The following VWA5A variants were observed in gnomAD, a reference collection of about 807,000 sequenced individuals.
The protein encoded by VWA5A is von Willebrand factor A domain-containing protein 5A.
Under a neutral mutation model 84.6 loss-of-function variants are expected in VWA5A, and 77 were observed. That is an observed-to-expected ratio of 0.91 (90% CI 0.76 to 1.10). VWA5A has a LOEUF of 1.10. Among genes scored for constraint, VWA5A ranks in the 50% least tolerant of loss-of-function variants. The pLI, the probability that VWA5A is intolerant of heterozygous loss-of-function variation, is 0.00. For missense variants in VWA5A, 973 were observed against 963.0 expected (o/e 1.01, Z -0.14); for synonymous variants, 334 against 350.1 (o/e 0.95, Z 0.51).
At position 124,117,685 on chromosome 11, in the gene VWA5A, G is replaced by A. The variant is rs568838266; in HGVS notation, c.56G>A (p.Ser19Asn). The A allele has an allele frequency of 6.2e-6, 10 of 1,614,204 alleles. No homozygotes were observed. In the African/African-American group the frequency reaches 1.3e-4, roughly 22 times the overall value. ...GGTCTATCTCCAGTGCCGCTGAAGA[G>A]TATCTCTGTGAGCGTGAACATTTAC... ...TLHREPVPLKSISVSVNIYEF... is the reference protein window; with the variant it reads ...TLHREPVPLKNISVSVNIYEF... The change falls in exon 4 of 19, where the codon AGT becomes AAT. Residue 19 changes from serine (S) to asparagine (N), a missense_variant. Physicochemically the swap from Ser to Asn is conservative, Grantham distance 46. Transcript: ENST00000456829.
At chr11:124,127,449 C>G (rs1262700347) in intron 11 of VWA5A, among the ~76,000 whole-genome samples, 1 of 152,152 alleles carries the variant, frequency 6.6e-6, no homozygotes, top group African/African-American at 2.4e-5. Context: ...CAAGTCTTTA[C>G]TATTGTGACA....
At chr11:124,137,527 A>G (rs1860633489) in intron 15 of VWA5A, among the ~76,000 whole-genome samples, 1 of 152,240 alleles carries the variant, frequency 6.6e-6, no homozygotes, top group Non-Finnish European at 1.5e-5. Context: ...GTAAACCCTG[A>G]GTAACCAAAC....
intron 1 of VWA5A, chr11:124,116,323 T>G (rs1864829293): frequency 6.6e-6 from 1 of 152,192 alleles, no homozygotes; most frequent in South Asian, 2.1e-4. Context: ...CTGGGAAGAG[T>G]GGGGGCAAGG....
rs1413982115 is a variant in VWA5A at position 124,146,909 on chromosome 11, TA to T, written c.*967del. 1 of 165,734 alleles carries T rather than the reference TA, an allele frequency of 6.0e-6. No individual in the cohort carries two copies. The highest frequency in any genetic ancestry group is 1.5e-5 in the Non-Finnish European group (1 of 68,106). 10.3% of individuals were successfully genotyped at this position (165,734 alleles called of 1,614,324 possible). ...ATGACTATTTCTACCCTTTGATGAGTAAATGCAGTGGTTCTTAAAGTGGTCT... is the reference window on the plus strand; with the variant it reads ...ATGACTATTTCTACCCTTTGATGAGTAATGCAGTGGTTCTTAAAGTGGTCT... On this transcript the variant is annotated 3_prime_UTR_variant, in exon 19 of 19. Coordinates refer to ENST00000456829, the MANE Select transcript of VWA5A (RefSeq NM_001130142.2).
intron 11 of VWA5A, among the ~76,000 whole-genome samples, chr11:124,131,753 TCA>T (rs1251369827): frequency 6.6e-6 from 1 of 151,728 alleles, no homozygotes; most frequent in Non-Finnish European, 1.5e-5. Flanking sequence ...GCAAAAAATA[TCA>T]GTTTTATTTT....
Position 124,136,116 on chromosome 11 carries a change from T to C in VWA5A, c.1360-13T>C, listed in dbSNP as rs1222462909. 6.2e-7 allele frequency: 1 copy of C among 1,612,880 alleles called. No individual in the cohort carries two copies. Among genetic ancestry groups the C allele is most frequent in the Admixed American group, 1.7e-5 (1 of 60,000 alleles). The stretch of plus-strand genomic sequence containing the variant: ...TATCATTTGTGTTTATTCTGTTCTC[T>C]TCCCCACATTAGGCTCTCAGGACTC... On this transcript the variant is annotated splice_polypyrimidine_tract_variant and intron_variant, in intron 12 of 18. Coordinates refer to ENST00000456829, the MANE Select transcript of VWA5A (RefSeq NM_001130142.2).
intron 17 of VWA5A, among the ~76,000 whole-genome samples, chr11:124,144,738 GTCAGAA>G: frequency 6.6e-6 from 1 of 152,308 alleles, no homozygotes; most frequent in African/African-American, 2.4e-5. Context: ...TATAACTAGA[GTCAGAA>G]TATTTGGCCT....
At chr11:124,117,461 A>G in intron 2 of VWA5A, 36 bp from the exon 3 acceptor site, 1 of 1,595,906 alleles carries the variant, frequency 6.3e-7, no homozygotes. Context: ...GATAACTTCC[A>G]ACATGTCCTC....
In VWA5A at chr11:124,134,913, A is replaced by G; in HGVS notation, c.1245-7A>G. ...TTCCTCTAACCTCTGTCCTGTTACA[A>G]TTGCAGGTGTTTCTCATTTGGTATT... On this transcript the variant is annotated splice_polypyrimidine_tract_variant and splice_region_variant and intron_variant, in intron 11 of 18. Transcript: ENST00000456829. The G allele has an allele frequency of 6.2e-7, 1 of 1,608,886 alleles. No individual in the cohort carries two copies. Among genetic ancestry groups the G allele is most frequent in the African/African-American group, 1.3e-5 (1 of 74,896 alleles).
intron 11 of VWA5A, among the ~76,000 whole-genome samples, chr11:124,126,780 G>C (rs1865024392): frequency 6.6e-6 from 1 of 151,744 alleles, no homozygotes; most frequent in African/African-American, 2.4e-5. Flanking sequence ...AAGAACAATG[G>C]ACACCATATA....
intron 11 of VWA5A, among the ~76,000 whole-genome samples, chr11:124,132,087 G>T (rs1402154723): frequency 2.0e-5 from 3 of 151,852 alleles, no homozygotes; most frequent in East Asian, 1.9e-4. Context: ...TGTATTTTAT[G>T]CATCTGTTTA....
At chr11:124,134,372 T>C (rs901426541) in intron 11 of VWA5A, among the ~76,000 whole-genome samples, 2 of 152,230 alleles carry the variant, frequency 1.3e-5, no homozygotes, top group African/African-American at 4.8e-5. Context: ...ATTCTTTGTT[T>C]ATATATAATT....
At chr11:124,131,493 G>A (rs1237888538) in intron 11 of VWA5A, among the ~76,000 whole-genome samples, 1 of 151,936 alleles carries the variant, frequency 6.6e-6, no homozygotes, top group Non-Finnish European at 1.5e-5. Context: ...AAATCTCTCT[G>A]TAATATTTTA....
chr11:124,134,595 CAG>C (rs201341213), intron 11 of VWA5A, among the ~76,000 whole-genome samples: 2,526 of 152,270 alleles, frequency 0.017, 32 homozygotes, highest in Non-Finnish European at 0.029. Flanking sequence ...TGCAGTAAGA[CAG>C]ATCAGTGCTC....
chr11:124,142,192 A>G (rs956949877), intron 16 of VWA5A, among the ~76,000 whole-genome samples: 1 of 152,150 alleles, frequency 6.6e-6, no homozygotes, highest in Non-Finnish European at 1.5e-5. Context: ...CTCAGCTCAC[A>G]CAGCTTGCCT....
Position 124,142,432 on chromosome 11 carries a change from C to T in VWA5A, c.2024-10C>T. Reference sequence around the variant, plus strand: ...AATTTCTCATTCTTCTCTTTTCTTTCTCCTCAAAGGCTTTGGAGAGAATCA... The same window carrying T: ...AATTTCTCATTCTTCTCTTTTCTTTTTCCTCAAAGGCTTTGGAGAGAATCA... On this transcript the variant is annotated splice_polypyrimidine_tract_variant and intron_variant, in intron 16 of 18. Transcript: ENST00000456829. 1.2e-6 allele frequency: 2 copies of T among 1,613,348 alleles called. No individual in the cohort carries two copies. Among genetic ancestry groups the T allele is most frequent in the Non-Finnish European group, 8.5e-7 (1 of 1,179,642 alleles).
In VWA5A at chr11:124,145,856, C is replaced by G. The variant is rs555213723; in HGVS notation, c.2282-10C>G. The G allele has an allele frequency of 1.9e-6, 3 of 1,571,288 alleles. No individual in the cohort carries two copies. Among genetic ancestry groups the G allele is most frequent in the African/African-American group, 2.7e-5 (2 of 73,916 alleles). ...CCTTCATCCCTGCTTCTTGTTTTTC[C>G]TCACCACAGGCTCCACCATGCCTTC... On this transcript the variant is annotated splice_polypyrimidine_tract_variant and intron_variant, in intron 18 of 18. Coordinates refer to ENST00000456829, the MANE Select transcript of VWA5A (RefSeq NM_001130142.2).
In VWA5A at chr11:124,143,059, C is replaced by G. The variant is rs552055391; in HGVS notation, c.2154+487C>G. On this transcript the variant is annotated intron_variant, in intron 17 of 18. Coordinates refer to ENST00000456829, the MANE Select transcript of VWA5A (RefSeq NM_001130142.2). ...TTACCTAGCCCATCAGTGGCAGAGC[C>G]AGATTCAGTTCTAAGAGTATCTGTC... is the stretch of plus-strand genomic sequence containing the variant. 6.6e-5 allele frequency among the ~76,000 whole-genome samples: 10 copies of G among 152,242 alleles called. No homozygotes were observed. The South Asian group carries it at 1.0e-3, about 16-fold the overall frequency.
chr11:124,119,094 T>C lies in VWA5A; in HGVS notation c.760+5T>C, dbSNP rs1464317228. The C allele has an allele frequency of 6.2e-7, 1 of 1,612,802 alleles. No individual in the cohort carries two copies. ...GGATGCCTAACATGAAGCCAGGTATTTTCTTTCTTCCTTTGTAGTCATCCC... is the reference window on the plus strand; with the variant it reads ...GGATGCCTAACATGAAGCCAGGTATCTTCTTTCTTCCTTTGTAGTCATCCC... On this transcript the variant is annotated splice_donor_5th_base_variant and intron_variant, in intron 7 of 18. Transcript: ENST00000456829.
Sources: gnomAD v4.1 joint callset for allele counts (sites outside exome capture counted in the v4.1 genomes callset) on GRCh38, gnomAD v4.1.1 for gene constraint, MANE v1.5 for transcripts, NCBI Gene and HGNC (gene_info 2026-07-23, HGNC 2026-07-21) for gene names.